SMUG1: variants seen among roughly 807,000 people sequenced by gnomAD.
The protein encoded by SMUG1 is single-strand-selective monofunctional uracil-DNA glycosylase 1.
Under a neutral mutation model 23.9 loss-of-function variants are expected in SMUG1, and 13 were observed. The observed-to-expected ratio is 0.54, with a 90% CI of 0.35 to 0.86. The LOEUF is 0.86. SMUG1 is among the 40% of genes least tolerant of loss of function. The probability of loss-of-function intolerance (pLI) is 0.01; values close to 1 mark genes in which losing one functional copy is unlikely to be tolerated. For missense variants in SMUG1, 313 were observed against 339.5 expected, an observed-to-expected ratio of 0.92 and a Z score of 0.61; for synonymous variants, 133 against 139.8, an observed-to-expected ratio of 0.95 and a Z score of 0.34.
chr12:54,183,772 G>T lies in SMUG1; in HGVS notation c.169C>A (p.Pro57Thr), dbSNP rs369744339. 3.2e-5 allele frequency: 51 copies of T among 1,614,066 alleles called. No homozygotes were observed. Among genetic ancestry groups the T allele is most frequent in the Non-Finnish European group, 4.3e-5 (51 of 1,180,032 alleles). The change falls in exon 3 of 4, where the codon CCC becomes ACC. Residue 57 changes from proline (P) to threonine (T), a missense_variant. Physicochemically the swap from Pro to Thr is conservative, Grantham distance 38 (BLOSUM62 -1). Coordinates refer to ENST00000682136, the MANE Select transcript of SMUG1 (RefSeq NM_001243787.2). ...TGTGGCTCCCATGCATACTCCACGGGATTGTAGATGATGCCCACAGGCTCC... is the reference window on the plus strand; with the variant it reads ...TGTGGCTCCCATGCATACTCCACGGTATTGTAGATGATGCCCACAGGCTCC... The part of the protein sequence containing the change: ...FSEPVGIIYN[P>T]VEYAWEPHRN...
In SMUG1 at chr12:54,180,376, G is replaced by A. The variant is rs952397958; in HGVS notation, c.*1720C>T. On this transcript the variant is annotated 3_prime_UTR_variant, in exon 4 of 4. Transcript: ENST00000682136. ...CTCCTTCTCAGGAACTGAAGACAAAGGCCAAATTCTTTATTATACAATGAA... is the reference window on the plus strand; with the variant it reads ...CTCCTTCTCAGGAACTGAAGACAAAAGCCAAATTCTTTATTATACAATGAA... 7 of 152,148 alleles carry A rather than the reference G, an allele frequency of 4.6e-5. No individual in the cohort carries two copies. The highest frequency in any genetic ancestry group is 1.4e-4 in the African/African-American group (6 of 41,432). The allele number at this position is 152,148 out of a possible 1,614,324, so 9.4% of individuals were successfully genotyped here.
chr12:54,159,215 C>CCAGCCCT (rs1451599132), intron 4 of SMUG1, among the ~76,000 whole-genome samples: 1 of 152,210 alleles, frequency 6.6e-6, no homozygotes, highest in Non-Finnish European at 1.5e-5. Flanking sequence ...CGTCGAGCCC[C>CCAGCCCT]CAGCCCTCAG....
chr12:54,168,942 C>T (rs892331663), intron 3 of SMUG1, among the ~76,000 whole-genome samples: 1 of 152,090 alleles, frequency 6.6e-6, no homozygotes, highest in Non-Finnish European at 1.5e-5. Context: ...AGACAGTCCC[C>T]GAAAATACTT....
At chr12:54,166,100 C>G (rs544442178) in intron 3 of SMUG1, among the ~76,000 whole-genome samples, 1 of 152,164 alleles carries the variant, frequency 6.6e-6, no homozygotes, top group African/African-American at 2.4e-5. Context: ...CAGTGGCTCA[C>G]GCCTGTAATC....
chr12:54,183,629 AC>A (rs1565822883), intron 3 of SMUG1, 26 bp downstream of exon 3: 1 of 1,610,282 alleles, frequency 6.2e-7, no homozygotes, highest in Non-Finnish European at 8.5e-7. Context: ...CCCCCACTCC[AC>A]CCACTGGGGA....
chr12:54,173,439 C>G (rs1433982607), intron 2 of SMUG1, among the ~76,000 whole-genome samples: 1 of 151,934 alleles, frequency 6.6e-6, no homozygotes, highest in Non-Finnish European at 1.5e-5. Context: ...GGGAAGCGGC[C>G]GGGAGCGGGG....
chr12:54,169,401 G>A (rs898873732), intron 3 of SMUG1, among the ~76,000 whole-genome samples: 1 of 152,044 alleles, frequency 6.6e-6, no homozygotes, highest in Admixed American at 6.5e-5. Flanking sequence ...TATGAATGAG[G>A]GATGGGGAAG....
At chr12:54,175,151 A>T (rs950333901) in intron 2 of SMUG1, 1 of 152,208 alleles carries the variant, frequency 6.6e-6, no homozygotes, top group Non-Finnish European at 1.5e-5. Flanking sequence ...TATCCTCCTA[A>T]ACAAGAATAT....
At chr12:54,186,781 C>G (rs1203556036) in intron 2 of SMUG1, 3 of 152,232 alleles carry the variant, frequency 2.0e-5, no homozygotes. Flanking sequence ...GATCAAGAGC[C>G]AGGCCTTGTT....
At chr12:54,158,554 C>T (rs1940120828) in intron 4 of SMUG1, among the ~76,000 whole-genome samples, 1 of 152,120 alleles carries the variant, frequency 6.6e-6, no homozygotes, top group Non-Finnish European at 1.5e-5. Context: ...CCTCTGCCCC[C>T]TAACACCTCA....
Position 54,183,718 on chromosome 12 carries a change from C to A in SMUG1, c.223G>T (p.Gly75Cys). 6.2e-7 allele frequency: 1 copy of A among 1,613,922 alleles called. No homozygotes were observed. Among genetic ancestry groups the A allele is most frequent in the Non-Finnish European group, 8.5e-7 (1 of 1,179,906 alleles). ...CCCAGGAAGAGTACTTCCTTGGGGCCCTGGCAGTAGCGAGTCACGTAGTTG... is the reference window on the plus strand; with the variant it reads ...CCCAGGAAGAGTACTTCCTTGGGGCACTGGCAGTAGCGAGTCACGTAGTTG... ...HRNYVTRYCQ[G>C]PKEVLFLGMN... is the part of the protein sequence containing the mutation. Residue 75 changes from glycine to cysteine, a missense_variant, in exon 3 of 4, where the codon GGC becomes TGC. Physicochemically the swap from Gly to Cys is radical, Grantham distance 159 (BLOSUM62 -3). Coordinates refer to ENST00000682136, the MANE Select transcript of SMUG1 (RefSeq NM_001243787.2).
At chr12:54,166,136 G>T (rs952675939) in intron 3 of SMUG1, among the ~76,000 whole-genome samples, 4 of 152,218 alleles carry the variant, frequency 2.6e-5, no homozygotes, top group African/African-American at 9.7e-5. Flanking sequence ...GCTGAGGTGG[G>T]TGGATCATGA....
intron 3 of SMUG1, 87 bp downstream of exon 3, chr12:54,183,569 T>G: frequency 7.2e-7 from 1 of 1,382,732 alleles, no homozygotes; most frequent in Non-Finnish European, 1.0e-6. Flanking sequence ...TCTACAGCCA[T>G]GCACATGCTC....
downstream of SMUG1, among the ~76,000 whole-genome samples, chr12:54,163,931 TG>T (rs1940354622): frequency 6.6e-6 from 1 of 152,146 alleles, no homozygotes; most frequent in African/African-American, 2.4e-5. Flanking sequence ...GGCTTCACAG[TG>T]GGCCCTGAAT....
intron 2 of SMUG1, among the ~76,000 whole-genome samples, chr12:54,185,071 G>A (rs1003143076): frequency 2.0e-5 from 3 of 152,124 alleles, no homozygotes; most frequent in African/African-American, 7.2e-5. Context: ...CACTTTAGGA[G>A]GCTGAGGTGG....
In SMUG1 at chr12:54,181,537, G is replaced by C; in HGVS notation, c.*559C>G. ...CCAAGTTTCAAAGCTGGGATGAAAA[G>C]CCAGGTCTTCTGACTTGCACTCTGT... On this transcript the variant is annotated 3_prime_UTR_variant, in exon 4 of 4. Transcript: ENST00000682136. 1.2e-5 allele frequency: 18 copies of C among 1,539,254 alleles called. No individual in the cohort carries two copies. The highest frequency in any genetic ancestry group is 1.6e-5 in the Non-Finnish European group (18 of 1,148,188).
chr12:54,170,023 AC>A (rs1245681086), intron 3 of SMUG1, among the ~76,000 whole-genome samples: 12 of 151,984 alleles, frequency 7.9e-5, no homozygotes, highest in Non-Finnish European at 1.8e-4. Flanking sequence ...ACATGGAGAA[AC>A]CCCGTCTCTA....
At chr12:54,165,702 C>G (rs1036650998) in intron 3 of SMUG1, among the ~76,000 whole-genome samples, 2 of 152,046 alleles carry the variant, frequency 1.3e-5, no homozygotes, top group African/African-American at 2.4e-5. Flanking sequence ...ATTAAAAAGA[C>G]AGATATAACA....
chr12:54,179,027 C>T (rs969489415), downstream of SMUG1, among the ~76,000 whole-genome samples: 1 of 152,126 alleles, frequency 6.6e-6, no homozygotes, highest in African/African-American at 2.4e-5. Context: ...TGCTTCCTGC[C>T]CTCACACATT....
Sources: gnomAD v4.1 joint callset for allele counts (sites outside exome capture counted in the v4.1 genomes callset) on GRCh38, gnomAD v4.1.1 for gene constraint, MANE v1.5 for transcripts, NCBI Gene and HGNC (gene_info 2026-07-23, HGNC 2026-07-21) for gene names.